ESR2: variants seen among roughly 807,000 people sequenced by gnomAD.
The protein encoded by ESR2 is estrogen receptor beta.
ESR2 carries 36 observed loss-of-function variants against 49.6 expected under a neutral mutation model. That is an observed-to-expected ratio of 0.73 (90% confidence interval 0.56 to 0.96). The LOEUF is 0.96. Ranked by LOEUF, ESR2 falls within the 40% of genes least tolerant of loss-of-function variation. ESR2 has a pLI of 0.00. For synonymous variants in ESR2, 320 were observed against 266.1 expected (o/e 1.20, Z -1.97); for missense variants, 714 against 693.0 (o/e 1.03, Z -0.34).
rs531728197 is a variant in ESR2 at position 64,233,206 on chromosome 14, C to T, written c.1524G>A (p.Thr508=). Residue 508 remains threonine (T), a synonymous_variant, in exon 9 of 9, where the codon ACG becomes ACA. Coordinates refer to ENST00000341099, the MANE Select transcript of ESR2 (RefSeq NM_001437.3). ...CCTCTGCCGGGCTGCACTCGGACCC[C>T]GTGATGGAGGACTTGCACCCGCGAA... ...HVLRGCKSSI[T]GSECSPAEDS... is the part of the protein sequence containing the mutation. The T allele has an allele frequency of 4.0e-5, 65 of 1,614,046 alleles. No homozygotes were observed. In the East Asian group the frequency reaches 9.6e-4, roughly 24 times the overall value.
chr14:64,288,569 T>C (rs2076819292), intron 1 of ESR2, among the ~76,000 whole-genome samples: 1 of 151,942 alleles, frequency 6.6e-6, no homozygotes, highest in African/African-American at 2.4e-5. Flanking sequence ...AGGATGGTCT[T>C]GATCTCTTGA....
upstream of ESR2, among the ~76,000 whole-genome samples, chr14:64,295,864 T>A (rs1479135265): frequency 6.6e-6 from 1 of 152,016 alleles, no homozygotes; most frequent in Non-Finnish European, 1.5e-5. Context: ...ACCAACATGG[T>A]GAAACCTCGT....
intron 3 of ESR2, among the ~76,000 whole-genome samples, chr14:64,279,306 G>A (rs1256032): frequency 0.065 from 9,895 of 152,170 alleles, 671 homozygotes; most frequent in East Asian, 0.37. Context: ...CTATGTCACA[G>A]GCCATTTGTC....
intron 7 of ESR2, among the ~76,000 whole-genome samples, chr14:64,247,105 G>T (rs184423782): frequency 5.9e-5 from 9 of 152,240 alleles, no homozygotes; most frequent in Admixed American, 5.2e-4. Context: ...TGTATGGTCT[G>T]TTGCCCATTT....
intron 1 of ESR2, among the ~76,000 whole-genome samples, chr14:64,284,952 C>A (rs929044045): frequency 6.6e-6 from 1 of 151,630 alleles, no homozygotes; most frequent in African/African-American, 2.4e-5. Flanking sequence ...CAGGTTCAAG[C>A]GATTCTTCTG....
chr14:64,266,697 A>G (rs1381465479), intron 4 of ESR2, among the ~76,000 whole-genome samples: 1 of 152,214 alleles, frequency 6.6e-6, no homozygotes, highest in Non-Finnish European at 1.5e-5. Flanking sequence ...CACATAAGAT[A>G]TTATCTCTGG....
Position 64,249,531 on chromosome 14 carries a change from T to C in ESR2, c.1225+15A>G, listed in dbSNP as rs1057398397. 2.5e-6 allele frequency: 4 copies of C among 1,612,768 alleles called. No homozygotes were observed. The highest frequency in any genetic ancestry group is 3.4e-6 in the Non-Finnish European group (4 of 1,179,502). Reference sequence around the variant, plus strand: ...TCTCCCCGATAAAACATGGCCCAGCTGTGTGATTACTTACTGGAATTGAGC... The same window carrying C: ...TCTCCCCGATAAAACATGGCCCAGCCGTGTGATTACTTACTGGAATTGAGC... On this transcript the variant is annotated intron_variant, in intron 7 of 8. Coordinates refer to ENST00000341099, the MANE Select transcript of ESR2 (RefSeq NM_001437.3).
At chr14:64,335,973 TTGTGTGTGTGTGTGTGTGTGTGTGTGTG>T (rs55721717) in intron 1 of ESR2, 2 of 125,694 alleles carry the variant, frequency 1.6e-5, no homozygotes, top group Admixed American at 8.4e-5. Context: ...CCCAGCTAAT[TTGTGTGTGTGTGTGTGTGTGTGTGTGTG>T]TGTGTGTGTG....
intron 5 of ESR2, 100 bp from the exon 6 acceptor site, chr14:64,257,464 C>T (rs549098371): frequency 7.0e-7 from 1 of 1,428,054 alleles, no homozygotes; most frequent in Non-Finnish European, 9.5e-7. Flanking sequence ...TAAGAAAACA[C>T]AAACCATTAG....
chr14:64,286,237 A>G (rs1403653123), intron 1 of ESR2, among the ~76,000 whole-genome samples: 1 of 152,212 alleles, frequency 6.6e-6, no homozygotes, highest in Non-Finnish European at 1.5e-5. Context: ...TATAGGATCA[A>G]GGAAGGTTTG....
intron 5 of ESR2, among the ~76,000 whole-genome samples, chr14:64,259,133 T>G (rs757120459): frequency 2.6e-5 from 4 of 152,224 alleles, no homozygotes; most frequent in Non-Finnish European, 5.9e-5. Flanking sequence ...AGTGCATCAG[T>G]ATTGCCTCCC....
At chr14:64,242,172 G>A (rs954897309) in intron 7 of ESR2, among the ~76,000 whole-genome samples, 2 of 152,064 alleles carry the variant, frequency 1.3e-5, no homozygotes, top group Non-Finnish European at 2.9e-5. Context: ...CACTTTGGGA[G>A]GCCAAGGCGG....
chr14:64,337,361 G>A (rs1326303381), intron 1 of ESR2: 2 of 152,150 alleles, frequency 1.3e-5, no homozygotes, highest in East Asian at 3.8e-4. Flanking sequence ...ATATCTACTT[G>A]GTATTACAAG....
chr14:64,260,668 C>T lies in ESR2; in HGVS notation c.733G>A (p.Ala245Thr). The change falls in exon 5 of 9, where the codon GCC becomes ACC. Residue 245 changes from alanine (A) to threonine (T), a missense_variant. By Grantham distance (58) the Ala-to-Thr change is moderately conservative. Coordinates refer to ENST00000341099, the MANE Select transcript of ESR2 (RefSeq NM_001437.3). ...ADEQLHCAGKAKRSGGHAPRV... is the reference protein window; with the variant it reads ...ADEQLHCAGKTKRSGGHAPRV... ...GGCGCGTGGCCGCCACTTCTCTTGG[C>T]CTTGCCGGCACAGTGCAGCTGCTCG... 6.2e-7 allele frequency: 1 copy of T among 1,603,654 alleles called. No homozygotes were observed. Among genetic ancestry groups the T allele is most frequent in the Non-Finnish European group, 8.5e-7 (1 of 1,174,452 alleles).
upstream of ESR2, among the ~76,000 whole-genome samples, chr14:64,299,273 T>TAG (rs2076995449): frequency 6.6e-6 from 1 of 152,218 alleles, no homozygotes; most frequent in African/African-American, 2.4e-5. Context: ...TTTCTACATC[T>TAG]TCTTGTAAAT....
intron 1 of ESR2, chr14:64,301,576 G>A (rs1331368179): frequency 6.6e-6 from 1 of 152,174 alleles, no homozygotes; most frequent in South Asian, 2.1e-4. Context: ...GAGAGCCCAG[G>A]ATTTCTACGG....
chr14:64,328,032 C>T (rs1382215609), intron 1 of ESR2, among the ~76,000 whole-genome samples: 1 of 146,958 alleles, frequency 6.8e-6, no homozygotes, highest in Admixed American at 6.9e-5. Flanking sequence ...CATGGTGAAA[C>T]CTGTCTCTAC....
At chr14:64,240,605 C>T (rs1349780781) in intron 7 of ESR2, among the ~76,000 whole-genome samples, 1 of 152,202 alleles carries the variant, frequency 6.6e-6, no homozygotes, top group African/African-American at 2.4e-5. Flanking sequence ...CTTTGACATA[C>T]ATATACATGG....
At position 64,281,954 on chromosome 14, in the gene ESR2, T is replaced by C. The variant is rs568938491; in HGVS notation, c.362+670A>G. The stretch of plus-strand genomic sequence containing the variant: ...CTTTTATCCTGGAAACAATTTGTCA[T>C]GAACATTAAATTGTGGTTTCACTAT... On this transcript the variant is annotated intron_variant, in intron 2 of 8. Coordinates refer to ENST00000341099, the MANE Select transcript of ESR2 (RefSeq NM_001437.3). Among the ~76,000 whole-genome samples the C allele has an allele frequency of 2.6e-5, 4 of 152,366 alleles. 1 individual carries two copies. The South Asian group carries it at 8.3e-4, about 32-fold the overall frequency.
Sources: allele counts gnomAD v4.1 joint callset (sites outside exome capture counted in the v4.1 genomes callset), GRCh38; gene constraint gnomAD v4.1.1; transcripts MANE v1.5; gene names NCBI Gene and HGNC (gene_info 2026-07-23, HGNC 2026-07-21).